Variants in FRMD6 observed in about 807,000 individuals in gnomAD.
FRMD6 encodes FERM domain-containing protein 6.
FRMD6 carries 37 observed loss-of-function variants against 73.2 expected under a neutral mutation model. That is an observed-to-expected ratio of 0.51 (90% confidence interval 0.39 to 0.66). The LOEUF (loss-of-function observed/expected upper bound fraction) is 0.66. FRMD6 is among the 30% of genes least tolerant of loss of function. The pLI is 0.00. For synonymous variants in FRMD6, 273 were observed against 282.2 expected (o/e 0.97, Z 0.33); for missense variants, 714 against 780.5 (o/e 0.91, Z 1.02).
chr14:51,485,931 G>C (rs963922371), upstream of FRMD6, among the ~76,000 whole-genome samples: 3 of 152,098 alleles, frequency 2.0e-5, no homozygotes, highest in Admixed American at 6.5e-5. Flanking sequence ...GGGATGGCCA[G>C]GGAACTGCCT....
chr14:51,698,153 G>A lies in FRMD6; in HGVS notation c.111G>A (p.Leu37=). 6.2e-7 allele frequency: 1 copy of A among 1,611,872 alleles called. No homozygotes were observed. The highest frequency in any genetic ancestry group is 8.5e-7 in the Non-Finnish European group (1 of 1,178,480). Residue 37 remains leucine, a synonymous_variant, in exon 3 of 14, where the codon CTG becomes CTA. Coordinates refer to ENST00000344768, the MANE Select transcript of FRMD6 (RefSeq NM_001267046.2). The part of the protein sequence containing the change: ...SLNIIINVKI[L]CHQLLVQVCD... ...TTTTTCCCCTACAGGTTAAGATTCTGTGTCACCAGTTGCTGGTCCAGGTTT... is the reference window on the plus strand; with the variant it reads ...TTTTTCCCCTACAGGTTAAGATTCTATGTCACCAGTTGCTGGTCCAGGTTT...
At chr14:51,571,271 T>A (rs981991123) in intron 2 of FRMD6, among the ~76,000 whole-genome samples, 2 of 152,154 alleles carry the variant, frequency 1.3e-5, no homozygotes, top group African/African-American at 4.8e-5. Flanking sequence ...CCCAGCTACT[T>A]GGGATGCTGA....
At chr14:51,540,606 T>C (rs1886152845) in intron 1 of FRMD6, among the ~76,000 whole-genome samples, 1 of 152,148 alleles carries the variant, frequency 6.6e-6, no homozygotes, top group Non-Finnish European at 1.5e-5. Context: ...AAGTAGATTT[T>C]ACAGCCCTGT....
intron 2 of FRMD6, among the ~76,000 whole-genome samples, chr14:51,615,445 A>G (rs1890672395): frequency 6.6e-6 from 1 of 152,186 alleles, no homozygotes; most frequent in Non-Finnish European, 1.5e-5. Flanking sequence ...CTGTGGCATA[A>G]TATAAAACCC....
chr14:51,651,117 C>G (rs1594656551), upstream of FRMD6: 2 of 152,826 alleles, frequency 1.3e-5, no homozygotes, highest in South Asian at 4.1e-4. Flanking sequence ...GCATCTCTCG[C>G]CCTCCATCCC....
intron 2 of FRMD6, among the ~76,000 whole-genome samples, chr14:51,633,181 G>A (rs1449359137): frequency 6.6e-6 from 1 of 151,856 alleles, no homozygotes; most frequent in Non-Finnish European, 1.5e-5. Context: ...TTTACATGAT[G>A]AAAAGTTTTT....
chr14:51,706,779 A>G (rs1896647444), intron 6 of FRMD6, among the ~76,000 whole-genome samples: 1 of 152,020 alleles, frequency 6.6e-6, no homozygotes, highest in South Asian at 2.1e-4. Flanking sequence ...GCTCCCAGTA[A>G]ACTGTTTCTT....
At chr14:51,676,107 A>C (rs1894370160) in intron 1 of FRMD6, among the ~76,000 whole-genome samples, 1 of 152,058 alleles carries the variant, frequency 6.6e-6, no homozygotes, top group Non-Finnish European at 1.5e-5. Flanking sequence ...GGAGTTTTGG[A>C]ATATAATTTA....
chr14:51,443,546 T>C, the FRMD6 span, among the ~76,000 whole-genome samples: 1 of 152,218 alleles, frequency 6.6e-6, no homozygotes, highest in Admixed American at 6.5e-5. Flanking sequence ...AACCAAAGGC[T>C]GCATCTCCAC....
the FRMD6 span, among the ~76,000 whole-genome samples, chr14:51,440,539 T>C: frequency 6.6e-6 from 1 of 152,176 alleles, no homozygotes; most frequent in African/African-American, 2.4e-5. Flanking sequence ...TTAGCACATT[T>C]CTCAAAGAAT....
At chr14:51,444,866 C>T in the FRMD6 span, among the ~76,000 whole-genome samples, 10 of 152,166 alleles carry the variant, frequency 6.6e-5, no homozygotes, top group Non-Finnish European at 1.0e-4. Flanking sequence ...AGTCCATTCC[C>T]ATCTGGCCCG....
At chr14:51,655,428 A>G (rs1892752209) in intron 1 of FRMD6, among the ~76,000 whole-genome samples, 1 of 152,038 alleles carries the variant, frequency 6.6e-6, no homozygotes, top group African/African-American at 2.4e-5. Flanking sequence ...TTTCAGTTAT[A>G]ATGTATGTTC....
intron 2 of FRMD6, among the ~76,000 whole-genome samples, chr14:51,605,348 C>T (rs1191877857): frequency 6.6e-6 from 1 of 152,040 alleles, no homozygotes; most frequent in Non-Finnish European, 1.5e-5. Flanking sequence ...TCTTAACGAG[C>T]ATGCTGCCTT....
chr14:51,573,513 A>T (rs1314357933), intron 2 of FRMD6, among the ~76,000 whole-genome samples: 1 of 152,218 alleles, frequency 6.6e-6, no homozygotes, highest in Non-Finnish European at 1.5e-5. Context: ...TTCCTTCAGT[A>T]CTTTACAAGA....
intron 1 of FRMD6, among the ~76,000 whole-genome samples, chr14:51,559,899 T>A (rs1272337041): frequency 6.6e-6 from 1 of 152,202 alleles, no homozygotes; most frequent in East Asian, 1.9e-4. Flanking sequence ...TGTTCATAGG[T>A]AGAAAGAGAA....
rs1895408132 is a variant in FRMD6 at position 51,689,680 on chromosome 14, C to G, written c.-146-11C>G. On this transcript the variant is annotated splice_polypyrimidine_tract_variant and intron_variant, in intron 1 of 13. Coordinates refer to ENST00000344768, the MANE Select transcript of FRMD6 (RefSeq NM_001267046.2). The stretch of plus-strand genomic sequence containing the variant: ...CTTTCTTCAGGAGTCTCCCCTTTGG[C>G]TTTTTCACAGCTATGAAACCCACGT... The G allele has an allele frequency of 1.4e-5, 9 of 622,658 alleles. No homozygotes were observed. The South Asian group carries it at 1.7e-4, about 12-fold the overall frequency. 38.6% of individuals were successfully genotyped at this position (622,658 alleles called of 1,614,324 possible).
At chr14:51,583,957 G>C (rs77980296) in intron 2 of FRMD6, among the ~76,000 whole-genome samples, 5,038 of 152,248 alleles carry the variant, frequency 0.033, 169 homozygotes, top group East Asian at 0.092. Flanking sequence ...AATGGTGTGA[G>C]AAAACTTTTA....
chr14:51,499,689 T>A (rs1241785409), intron 1 of FRMD6, among the ~76,000 whole-genome samples: 2 of 152,160 alleles, frequency 1.3e-5, no homozygotes, highest in African/African-American at 4.8e-5. Flanking sequence ...AAAAGCAAAG[T>A]GTGGAGTATA....
At chr14:51,629,645 C>G (rs1891262439) in intron 2 of FRMD6, among the ~76,000 whole-genome samples, 1 of 152,136 alleles carries the variant, frequency 6.6e-6, no homozygotes. Flanking sequence ...GAAAGGGATG[C>G]TTAGTTTCTT....
Sources: gnomAD v4.1 joint callset for allele counts (sites outside exome capture counted in the v4.1 genomes callset) on GRCh38, gnomAD v4.1.1 for gene constraint, MANE v1.5 for transcripts, NCBI Gene and HGNC (gene_info 2026-07-23, HGNC 2026-07-21) for gene names.